Variants in LARGE1 observed in about 807,000 individuals in gnomAD.
LARGE1 encodes the protein LARGE xylosyl- and glucuronyltransferase 1.
LARGE1 carries 43 observed loss-of-function variants against 87.6 expected under a neutral mutation model. That is an observed-to-expected ratio of 0.49 (90% CI 0.38 to 0.63). The LOEUF is 0.63. Ranked by LOEUF, LARGE1 falls within the 30% of genes least tolerant of loss-of-function variation. The pLI, the probability that LARGE1 is intolerant of heterozygous loss-of-function variation, is 0.00. For missense variants in LARGE1, 802 were observed against 1,000.2 expected, an observed-to-expected ratio of 0.80 and a Z score of 2.67; for synonymous variants, 434 against 394.6, an observed-to-expected ratio of 1.10 and a Z score of -1.18.
intron 6 of LARGE1, among the ~76,000 whole-genome samples, chr22:33,437,663 T>A (rs896287288): frequency 1.3e-5 from 2 of 152,214 alleles, no homozygotes; most frequent in African/African-American, 4.8e-5. Context: ...CATCTCCTCC[T>A]GTCCTTAGCT....
chr22:33,432,276 C>A lies in LARGE1; in HGVS notation c.788-11G>T. 6 of 1,602,474 alleles carry A rather than the reference C, an allele frequency of 3.7e-6. No homozygotes were observed. The highest frequency in any genetic ancestry group is 5.1e-6 in the Non-Finnish European group (6 of 1,169,432). ...CCAGGACTTGCTGACCTGTGAGGTA[C>A]AGAGAATACAAACATCTTAAAAGGA... On this transcript the variant is annotated splice_polypyrimidine_tract_variant and intron_variant, in intron 6 of 14. Transcript: ENST00000397394.
chr22:33,639,571 A>G (rs2080367696), intron 3 of LARGE1, among the ~76,000 whole-genome samples: 1 of 152,208 alleles, frequency 6.6e-6, no homozygotes, highest in African/African-American at 2.4e-5. Flanking sequence ...TTTCCATTTT[A>G]TAATGATGAA....
At chr22:33,797,994 C>A (rs1053716824) in intron 1 of LARGE1, among the ~76,000 whole-genome samples, 1 of 152,236 alleles carries the variant, frequency 6.6e-6, no homozygotes, top group South Asian at 2.1e-4. Flanking sequence ...AGACATTGGC[C>A]GGGTGCAGTG....
intron 10 of LARGE1, among the ~76,000 whole-genome samples, chr22:33,327,632 T>C (rs1037237642): frequency 6.6e-6 from 1 of 152,180 alleles, no homozygotes; most frequent in Non-Finnish European, 1.5e-5. Context: ...CTCGATTCAC[T>C]GCAGCCTCGA....
intron 3 of LARGE1, among the ~76,000 whole-genome samples, chr22:33,644,075 C>T (rs568310651): frequency 1.3e-5 from 2 of 152,238 alleles, no homozygotes; most frequent in Admixed American, 6.5e-5. Context: ...GCCAGCATCA[C>T]CCTAACACCA....
Position 33,826,344 on chromosome 22 carries a change from C to CTT in LARGE1, c.-82-64788_-82-64787dup, listed in dbSNP as rs35127990. Among the ~76,000 whole-genome samples, 193 of 137,870 alleles carry CTT rather than the reference C, an allele frequency of 1.4e-3. No individual in the cohort carries two copies. In the East Asian group the frequency reaches 0.019, roughly 14 times the overall value. The allele number at this position is 137,870 out of a possible 152,430, so 90.4% of individuals were successfully genotyped here. On this transcript the variant is annotated intron_variant, in intron 1 of 14. Coordinates refer to ENST00000397394, the MANE Select transcript of LARGE1 (RefSeq NM_133642.5). Reference sequence around the variant, plus strand: ...ATGTGTTCAATCTCCCTTTGCATACCTTTTTTTTTTTTTTTTAAGATGGAG... The same window carrying CTT: ...ATGTGTTCAATCTCCCTTTGCATACCTTTTTTTTTTTTTTTTTTAAGATGGAG...
intron 2 of LARGE1, among the ~76,000 whole-genome samples, chr22:33,738,223 A>G (rs2083731595): frequency 6.6e-6 from 1 of 152,222 alleles, no homozygotes; most frequent in African/African-American, 2.4e-5. Context: ...TCTGGGAAAA[A>G]TAACCATTTC....
At chr22:33,266,601 AT>A (rs1927957327) in intron 11 of LARGE1, among the ~76,000 whole-genome samples, 1 of 151,672 alleles carries the variant, frequency 6.6e-6, no homozygotes, top group Admixed American at 6.6e-5. Flanking sequence ...CGTGCTTCCC[AT>A]TGCTGATTAA....
chr22:33,441,246 G>A (rs112990834), intron 6 of LARGE1, among the ~76,000 whole-genome samples: 69 of 151,666 alleles, frequency 4.5e-4, no homozygotes, highest in African/African-American at 1.6e-3. Context: ...GCTAATTTTT[G>A]TATTTTTAGT....
At chr22:33,524,289 CAA>C (rs57046363) in intron 6 of LARGE1, among the ~76,000 whole-genome samples, 233 of 94,788 alleles carry the variant, frequency 2.5e-3, no homozygotes, top group African/African-American at 6.7e-3. Flanking sequence ...AGACTCCCCT[CAA>C]AAAAAAAAAA....
intron 6 of LARGE1, among the ~76,000 whole-genome samples, chr22:33,532,103 A>C (rs2148579427): frequency 6.6e-6 from 1 of 152,358 alleles, no homozygotes; most frequent in Non-Finnish European, 1.5e-5. Context: ...TTGCTAAATA[A>C]ATGGATGAAT....
At chr22:33,464,844 C>G (rs1311446023) in intron 6 of LARGE1, among the ~76,000 whole-genome samples, 1 of 151,030 alleles carries the variant, frequency 6.6e-6, no homozygotes. Context: ...CACACCCACG[C>G]ACACATACAC....
At chr22:33,539,591 C>CT (rs201930031) in intron 6 of LARGE1, among the ~76,000 whole-genome samples, 7,309 of 142,638 alleles carry the variant, frequency 0.051, 207 homozygotes, top group South Asian at 0.088. Context: ...ATCCTCCAAA[C>CT]TTTTTTTTTT....
chr22:33,265,795 A>G (rs1705367153), intron 11 of LARGE1, among the ~76,000 whole-genome samples: 1 of 152,210 alleles, frequency 6.6e-6, no homozygotes, highest in Non-Finnish European at 1.5e-5. Context: ...AGGCTCCATA[A>G]ATATCTGGAA....
chr22:33,113,326 G>C, the LARGE1 span, among the ~76,000 whole-genome samples: 1 of 150,950 alleles, frequency 6.6e-6, no homozygotes, highest in Non-Finnish European at 1.5e-5. Context: ...TTCTGCCTCA[G>C]CCTCCTGAGT....
At chr22:33,597,037 T>C (rs543437210) in intron 5 of LARGE1, among the ~76,000 whole-genome samples, 7 of 152,158 alleles carry the variant, frequency 4.6e-5, no homozygotes, top group Non-Finnish European at 1.0e-4. Flanking sequence ...CCATGAGACA[T>C]ATCTATGTCT....
At chr22:33,785,259 GTA>G (rs1479471528) in intron 1 of LARGE1, among the ~76,000 whole-genome samples, 3 of 151,130 alleles carry the variant, frequency 2.0e-5, no homozygotes, top group African/African-American at 7.3e-5. Flanking sequence ...ATATGCATGT[GTA>G]TATGTGCATA....
At chr22:33,107,087 G>A in the LARGE1 span, among the ~76,000 whole-genome samples, 1 of 152,190 alleles carries the variant, frequency 6.6e-6, no homozygotes, top group African/African-American at 2.4e-5. Flanking sequence ...ATGCAAAAGA[G>A]TAAGAGACTA....
At chr22:33,919,490 A>C (rs2267326) in intron 1 of LARGE1, among the ~76,000 whole-genome samples, 44,985 of 152,216 alleles carry the variant, frequency 0.3, 8,022 homozygotes, top group East Asian at 0.54. Context: ...TAGCAATGCC[A>C]ACCAACCACT....
Sources: gnomAD v4.1 joint callset for allele counts (sites outside exome capture counted in the v4.1 genomes callset) on GRCh38, gnomAD v4.1.1 for gene constraint, MANE v1.5 for transcripts, NCBI Gene and HGNC (gene_info 2026-07-23, HGNC 2026-07-21) for gene names.